The following NRXN1 variants were observed in gnomAD, a reference collection of about 807,000 sequenced individuals.
NRXN1 encodes the protein neurexin 1, also known as neurexin-1.
Under a neutral mutation model 150.9 loss-of-function variants are expected in NRXN1, and 39 were observed. That is an observed-to-expected ratio of 0.26 (90% CI 0.20 to 0.34). NRXN1 has a LOEUF of 0.34. Ranked by LOEUF, NRXN1 falls within the 10% of genes least tolerant of loss-of-function variation. NRXN1 has a pLI of 1.00. For missense variants in NRXN1, 1,815 were observed against 1,949.9 expected, an observed-to-expected ratio of 0.93 and a Z score of 1.30; for synonymous variants, 924 against 757.0, an observed-to-expected ratio of 1.22 and a Z score of -3.62.
chr2:50,570,550 C>T (rs796141394), intron 8 of NRXN1, among the ~76,000 whole-genome samples: 1 of 152,070 alleles, frequency 6.6e-6, no homozygotes, highest in Non-Finnish European at 1.5e-5. Flanking sequence ...CAAGTTAGCA[C>T]TTTGTGTGAA....
At chr2:50,052,055 T>C (rs867683832) in intron 21 of NRXN1, among the ~76,000 whole-genome samples, 12 of 152,166 alleles carry the variant, frequency 7.9e-5, no homozygotes, top group African/African-American at 2.6e-4. Context: ...CTCACCCTTT[T>C]CCATTCAAAG....
intron 5 of NRXN1, among the ~76,000 whole-genome samples, chr2:50,664,798 T>C (rs991159399): frequency 1.3e-5 from 2 of 151,044 alleles, no homozygotes; most frequent in Non-Finnish European, 3.0e-5. Context: ...AAACAAAAAC[T>C]ATGAAGCTGT....
intron 5 of NRXN1, among the ~76,000 whole-genome samples, chr2:50,647,059 G>C (rs1573952343): frequency 1.3e-5 from 2 of 151,478 alleles, no homozygotes; most frequent in Middle Eastern, 3.4e-3. Flanking sequence ...CTGTTTTATG[G>C]TTTCTTCTAT....
chr2:50,136,745 C>T (rs942297423), intron 18 of NRXN1, among the ~76,000 whole-genome samples: 1 of 152,140 alleles, frequency 6.6e-6, no homozygotes, highest in Non-Finnish European at 1.5e-5. Context: ...TTTTACTAAC[C>T]AAAATCCATT....
chr2:50,090,144 C>T lies in NRXN1; in HGVS notation c.3718+1179G>A, dbSNP rs558398488. On this transcript the variant is annotated intron_variant, in intron 19 of 22. Transcript: ENST00000401669. ...CAGCAAATATTGGCAGAGTACTAGG[C>T]TTGTGGAATAGGTTTGAACTAGGGC... 3.9e-4 allele frequency among the ~76,000 whole-genome samples: 59 copies of T among 152,278 alleles called. No homozygotes were observed. The East Asian group carries it at 4.2e-3, about 11-fold the overall frequency.
Position 51,028,310 on chromosome 2 carries a change from C to T in NRXN1, c.-37G>A. The T allele has an allele frequency of 8.0e-6, 11 of 1,371,144 alleles. No individual in the cohort carries two copies. The highest frequency in any genetic ancestry group is 1.0e-5 in the Non-Finnish European group (11 of 1,048,584). The allele number at this position is 1,371,144 out of a possible 1,614,324, so 84.9% of individuals were successfully genotyped here. A position where few individuals can be genotyped will look rare whatever the true frequency, so the allele number is the denominator to read the frequency against. ...GGGTGCGGCGGGGGGGTGCCGGGGCCGACAGGGTCAAAATGGTCCTGGACA... is the reference window on the plus strand; with the variant it reads ...GGGTGCGGCGGGGGGGTGCCGGGGCTGACAGGGTCAAAATGGTCCTGGACA... On this transcript the variant is annotated 5_prime_UTR_variant, in exon 2 of 23. Transcript: ENST00000401669.
chr2:50,428,377 T>G (rs973459375), intron 17 of NRXN1, among the ~76,000 whole-genome samples: 3 of 152,184 alleles, frequency 2.0e-5, no homozygotes, highest in Admixed American at 6.5e-5. Flanking sequence ...ATTGTACCAC[T>G]GCACTCCAGC....
intron 5 of NRXN1, among the ~76,000 whole-genome samples, chr2:50,863,169 GTCCAATAATATTT>G (rs776377738): frequency 8.6e-5 from 13 of 152,010 alleles, no homozygotes; most frequent in Non-Finnish European, 1.6e-4. Flanking sequence ...CAGCTTAGAA[GTCCAATAATATTT>G]TCCTTCTAAA....
chr2:50,717,647 G>C (rs1435997347), intron 5 of NRXN1, among the ~76,000 whole-genome samples: 1 of 152,176 alleles, frequency 6.6e-6, no homozygotes, highest in African/African-American at 2.4e-5. Flanking sequence ...TATAACAAAA[G>C]TAGCTCAAAC....
intron 8 of NRXN1, among the ~76,000 whole-genome samples, chr2:50,618,782 A>G (rs995049999): frequency 6.7e-6 from 1 of 149,460 alleles, no homozygotes; most frequent in Non-Finnish European, 1.5e-5. Context: ...ATAATAATAA[A>G]TAATAATAAT....
chr2:51,008,424 T>C (rs1173765622), intron 2 of NRXN1, among the ~76,000 whole-genome samples: 1 of 151,902 alleles, frequency 6.6e-6, no homozygotes, highest in African/African-American at 2.4e-5. Flanking sequence ...CCTTGCTATT[T>C]AGATTTTTCC....
intron 17 of NRXN1, among the ~76,000 whole-genome samples, chr2:50,353,725 G>A (rs1039430047): frequency 3.3e-5 from 5 of 152,108 alleles, no homozygotes; most frequent in Non-Finnish European, 7.4e-5. Flanking sequence ...CTGCGATGTG[G>A]TTTTTAATTT....
chr2:50,223,655 G>A (rs1042491857), intron 18 of NRXN1, among the ~76,000 whole-genome samples: 1 of 151,888 alleles, frequency 6.6e-6, no homozygotes, highest in Non-Finnish European at 1.5e-5. Flanking sequence ...ATGAACAGAT[G>A]ACATACTTTT....
chr2:50,653,738 T>A (rs1416093147), intron 5 of NRXN1, among the ~76,000 whole-genome samples: 2 of 152,042 alleles, frequency 1.3e-5, no homozygotes, highest in Non-Finnish European at 2.9e-5. Flanking sequence ...AATATATTGC[T>A]TTTACATAAG....
intron 5 of NRXN1, among the ~76,000 whole-genome samples, chr2:50,756,719 A>G (rs1451357617): frequency 6.6e-6 from 1 of 151,870 alleles, no homozygotes; most frequent in Non-Finnish European, 1.5e-5. Flanking sequence ...AGTGGAATAG[A>G]AAAAATTTCT....
At chr2:50,908,692 A>C (rs1398356504) in intron 5 of NRXN1, among the ~76,000 whole-genome samples, 2 of 152,062 alleles carry the variant, frequency 1.3e-5, no homozygotes, top group Admixed American at 1.3e-4. Flanking sequence ...TGTGTTCCCC[A>C]AATTTTGTGT....
chr2:50,945,412 T>G (rs1018724896), intron 2 of NRXN1, among the ~76,000 whole-genome samples: 10 of 152,070 alleles, frequency 6.6e-5, no homozygotes, highest in Non-Finnish European at 1.3e-4. Flanking sequence ...TGCAATAAGC[T>G]GAGATCGTGC....
chr2:50,614,761 G>C (rs1178618676), intron 8 of NRXN1, among the ~76,000 whole-genome samples: 1 of 133,182 alleles, frequency 7.5e-6, no homozygotes, highest in African/African-American at 2.8e-5. Flanking sequence ...AAAAACTTGA[G>C]GAACCAAATT....
At chr2:50,278,229 T>TTA (rs1192617557) in intron 17 of NRXN1, among the ~76,000 whole-genome samples, 1 of 133,918 alleles carries the variant, frequency 7.5e-6, no homozygotes. Flanking sequence ...CACCTGGCTT[T>TTA]TATATATATA....
Sources: gnomAD v4.1 joint callset for allele counts (sites outside exome capture counted in the v4.1 genomes callset) on GRCh38, gnomAD v4.1.1 for gene constraint, MANE v1.5 for transcripts, NCBI Gene and HGNC (gene_info 2026-07-23, HGNC 2026-07-21) for gene names.